The following TRAPPC9 variants were observed in gnomAD, a reference collection of about 807,000 sequenced individuals.
The protein encoded by TRAPPC9 is IKK2 binding protein.
A neutral mutation model predicts 124.0 loss-of-function variants in TRAPPC9; 83 were observed. The observed-to-expected ratio is 0.67, with a 90% CI of 0.56 to 0.80. The LOEUF is 0.80. Ranked by LOEUF, TRAPPC9 falls within the 30% of genes least tolerant of loss-of-function variation. TRAPPC9 has a pLI of 0.00. For missense variants in TRAPPC9, 1,302 were observed against 1,508.3 expected, an observed-to-expected ratio of 0.86 and a Z score of 2.27; for synonymous variants, 638 against 617.5, an observed-to-expected ratio of 1.03 and a Z score of -0.49.
Position 139,866,168 on chromosome 8 carries a change from A to C in TRAPPC9, c.3055+19711T>G, listed in dbSNP as rs1436341304. 2.0e-5 allele frequency among the ~76,000 whole-genome samples: 3 copies of C among 152,244 alleles called. No homozygotes were observed. In the East Asian group the frequency reaches 5.8e-4, roughly 29 times the overall value. ...TATCATGCTGATGAAGCTTTTAGCT[A>C]GCGGGCTTCAGAGACAACAGGTTGC... On this transcript the variant is annotated intron_variant, in intron 21 of 22. Coordinates refer to ENST00000438773, the MANE Select transcript of TRAPPC9 (RefSeq NM_001160372.4).
intron 21 of TRAPPC9, among the ~76,000 whole-genome samples, chr8:139,813,740 TG>T (rs1368120346): frequency 6.6e-6 from 1 of 152,166 alleles, no homozygotes; most frequent in Non-Finnish European, 1.5e-5. Context: ...ATGGGCTGCC[TG>T]GGGACACAGA....
At chr8:140,072,818 G>A (rs1843270673) in intron 17 of TRAPPC9, among the ~76,000 whole-genome samples, 1 of 151,708 alleles carries the variant, frequency 6.6e-6, no homozygotes, top group Admixed American at 6.6e-5. Flanking sequence ...CTGTATATCT[G>A]ACAAATTATT....
rs933181400 is a variant in TRAPPC9 at position 140,353,876 on chromosome 8, C to A, written c.1495+6174G>T. Among the ~76,000 whole-genome samples, 4 of 152,166 alleles carry A rather than the reference C, an allele frequency of 2.6e-5. No homozygotes were observed. The highest frequency in any genetic ancestry group is 9.7e-5 in the African/African-American group (4 of 41,434). Reference sequence around the variant, plus strand: ...CGTGACAGTTGGTGTCTTTGAGGAGCTTAGAGGCTTGCTGGGTGGGCAAAC... The same window carrying A: ...CGTGACAGTTGGTGTCTTTGAGGAGATTAGAGGCTTGCTGGGTGGGCAAAC... On this transcript the variant is annotated intron_variant, in intron 9 of 22. Transcript: ENST00000438773. This position sits in a 1 kb window ranked among gnomAD's most constrained non-coding sequence, Gnocchi z 4.2.
In TRAPPC9 at chr8:140,353,047, C is replaced by T. The variant is rs1176004152; in HGVS notation, c.1495+7003G>A. Among the ~76,000 whole-genome samples, 1 of 152,186 alleles carries T rather than the reference C, an allele frequency of 6.6e-6. No individual in the cohort carries two copies. Among genetic ancestry groups the T allele is most frequent in the East Asian group, 1.9e-4 (1 of 5,196 alleles). On this transcript the variant is annotated intron_variant, in intron 9 of 22. Coordinates refer to ENST00000438773, the MANE Select transcript of TRAPPC9 (RefSeq NM_001160372.4). The surrounding 1 kb of genome is among the most constrained non-coding windows in gnomAD (Gnocchi z 4.2). ...CAAGGTAGACGCAAAAACCAAGACA[C>T]AGATAGGGTTTTCGAGAAAACACCA...
At chr8:140,409,985 T>C (rs2069637380) in intron 5 of TRAPPC9, among the ~76,000 whole-genome samples, 1 of 151,686 alleles carries the variant, frequency 6.6e-6, no homozygotes, top group Middle Eastern at 3.4e-3. Context: ...AAAAAACACA[T>C]GAAAATTAGC....
At chr8:139,938,375 C>G (rs560674389) in intron 19 of TRAPPC9, among the ~76,000 whole-genome samples, 2 of 152,212 alleles carry the variant, frequency 1.3e-5, no homozygotes, top group African/African-American at 4.8e-5. Flanking sequence ...AGCTCCGCCT[C>G]CCGGGTTCAC....
intron 6 of TRAPPC9, among the ~76,000 whole-genome samples, chr8:140,401,190 C>T (rs183619491): frequency 6.6e-6 from 1 of 152,168 alleles, no homozygotes; most frequent in East Asian, 1.9e-4. Flanking sequence ...AGTCTATTTA[C>T]CAATCATGAA....
intron 21 of TRAPPC9, among the ~76,000 whole-genome samples, chr8:139,824,616 A>G (rs1825493433): frequency 6.6e-6 from 1 of 152,054 alleles, no homozygotes; most frequent in Non-Finnish European, 1.5e-5. Flanking sequence ...GCTGGAGTGC[A>G]GTGGTGTGAT....
chr8:140,229,622 G>A (rs2063545763), intron 16 of TRAPPC9, among the ~76,000 whole-genome samples: 2 of 151,922 alleles, frequency 1.3e-5, no homozygotes, highest in South Asian at 2.1e-4. Context: ...AGGCTGGAGT[G>A]TAGCGGCGCG....
chr8:140,243,100 C>T (rs1396431197), intron 16 of TRAPPC9, among the ~76,000 whole-genome samples: 4 of 152,136 alleles, frequency 2.6e-5, no homozygotes, highest in Admixed American at 1.3e-4. Flanking sequence ...CGCAGCCCAG[C>T]GCCCACAGAA....
At chr8:140,282,000 A>C (rs553567240) in intron 14 of TRAPPC9, among the ~76,000 whole-genome samples, 14 of 152,312 alleles carry the variant, frequency 9.2e-5, no homozygotes, top group Admixed American at 3.9e-4. Flanking sequence ...GCGACTTGTC[A>C]ATTTCTCCAC....
At chr8:140,136,797 G>C (rs1169009231) in intron 17 of TRAPPC9, among the ~76,000 whole-genome samples, 1 of 152,276 alleles carries the variant, frequency 6.6e-6, no homozygotes, top group Non-Finnish European at 1.5e-5. Flanking sequence ...ATGGGACAGT[G>C]GGAGATCCAG....
chr8:140,323,653 T>C (rs773261196), intron 9 of TRAPPC9, among the ~76,000 whole-genome samples: 1 of 152,178 alleles, frequency 6.6e-6, no homozygotes, highest in Non-Finnish European at 1.5e-5. Flanking sequence ...TCTGTGTTGG[T>C]TGTCATGTTG....
chr8:140,325,663 G>A (rs918140492), intron 9 of TRAPPC9, among the ~76,000 whole-genome samples: 4 of 152,142 alleles, frequency 2.6e-5, no homozygotes, highest in Admixed American at 6.6e-5. Flanking sequence ...GGCTTCACTC[G>A]TAAGTTCTGT....
chr8:140,436,383 T>G (rs1267388658), intron 3 of TRAPPC9, among the ~76,000 whole-genome samples: 1 of 152,196 alleles, frequency 6.6e-6, no homozygotes, highest in African/African-American at 2.4e-5. Flanking sequence ...AAGCTTGTCA[T>G]GTGTTAACAG....
Position 139,730,686 on chromosome 8 carries a change from G to T in TRAPPC9, c.*375C>A. On this transcript the variant is annotated 3_prime_UTR_variant, in exon 23 of 23. Transcript: ENST00000438773. Reference sequence around the variant, plus strand: ...TTCTTTCTATGGCCAAAGGGAAGTCGCTGGACGAGGGAGGTCCCTCTGCTG... The same window carrying T: ...TTCTTTCTATGGCCAAAGGGAAGTCTCTGGACGAGGGAGGTCCCTCTGCTG... 1 of 255,464 alleles carries T rather than the reference G, an allele frequency of 3.9e-6. No homozygotes were observed. The highest frequency in any genetic ancestry group is 6.3e-5 in the South Asian group (1 of 15,974). 15.8% of individuals were successfully genotyped at this position (255,464 alleles called of 1,614,324 possible).
intron 19 of TRAPPC9, among the ~76,000 whole-genome samples, chr8:139,924,436 G>A (rs1157892986): frequency 6.6e-6 from 1 of 152,164 alleles, no homozygotes; most frequent in Non-Finnish European, 1.5e-5. Flanking sequence ...GGCATTCAAA[G>A]CCCCCCAACT....
rs1375994963 is a variant in TRAPPC9, at chr8:139,960,718, G to A, written c.2810+28008C>T. Among the ~76,000 whole-genome samples, 5 of 125,154 alleles carry A rather than the reference G, an allele frequency of 4.0e-5. 1 individual carries two copies. The highest frequency in any genetic ancestry group is 8.4e-5 in the Admixed American group (1 of 11,946). The allele number at this position is 125,154 out of a possible 152,430, so 82.1% of individuals were successfully genotyped here. ...TGTTAGCCAGAGTTGTGGAGAGGAC[G>A]GTGACCATGTGGGGGACACCCAAGC... On this transcript the variant is annotated intron_variant, in intron 19 of 22. Coordinates refer to ENST00000438773, the MANE Select transcript of TRAPPC9 (RefSeq NM_001160372.4).
intron 21 of TRAPPC9, among the ~76,000 whole-genome samples, chr8:139,807,859 C>T (rs759602807): frequency 1.9e-4 from 29 of 152,226 alleles, no homozygotes; most frequent in Middle Eastern, 3.4e-3. Context: ...GCACAGGCAC[C>T]GGCTGGGTGG....
Sources: gnomAD v4.1 joint callset for allele counts (sites outside exome capture counted in the v4.1 genomes callset) on GRCh38, gnomAD v4.1.1 for gene constraint, Gnocchi (gnomAD v3.1) non-coding constraint, MANE v1.5 for transcripts, NCBI Gene and HGNC (gene_info 2026-07-23, HGNC 2026-07-21) for gene names.